FNDC3B: variants seen among roughly 807,000 people sequenced by gnomAD.
FNDC3B encodes the protein fibronectin type III domain-containing protein 3B.
A neutral mutation model predicts 151.5 loss-of-function variants in FNDC3B; 12 were observed. That is an observed-to-expected ratio of 0.08 (90% confidence interval 0.05 to 0.13). The LOEUF (loss-of-function observed/expected upper bound fraction) is 0.13. Ranked by LOEUF, FNDC3B falls within the 10% of genes least tolerant of loss-of-function variation. The pLI, the probability that FNDC3B is intolerant of heterozygous loss-of-function variation, is 1.00. For synonymous variants in FNDC3B, 528 were observed against 549.0 expected, an observed-to-expected ratio of 0.96 and a Z score of 0.54; for missense variants, 1,214 against 1,505.3, an observed-to-expected ratio of 0.81 and a Z score of 3.20.
At position 172,073,923 on chromosome 3, in the gene FNDC3B, T is replaced by C. The variant is rs546830504; in HGVS notation, c.-29+34152T>C. Among the ~76,000 whole-genome samples, 17 of 152,074 alleles carry C rather than the reference T, an allele frequency of 1.1e-4. No individual in the cohort carries two copies. In the East Asian group the frequency reaches 3.1e-3, roughly 28 times the overall value. On this transcript the variant is annotated intron_variant, in intron 1 of 25. Coordinates refer to ENST00000415807, the MANE Select transcript of FNDC3B (RefSeq NM_022763.4). ...TTGTGCTTTTTCTCCCCTGATCCCT[T>C]CCCCCACCACATGACCCTTAAGAAA...
At chr3:172,380,866 C>G in intron 24 of FNDC3B, 100 bp from the exon 25 acceptor site, 1 of 1,368,052 alleles carries the variant, frequency 7.3e-7, no homozygotes, top group Non-Finnish European at 1.0e-6. Flanking sequence ...AACACAGGCA[C>G]AATCTTGCTC....
At chr3:172,365,436 T>A (rs146517040) in intron 23 of FNDC3B, among the ~76,000 whole-genome samples, 1,751 of 152,338 alleles carry the variant, frequency 0.011, 36 homozygotes, top group African/African-American at 0.039. Context: ...ATTTTACTTT[T>A]CTTTCTTACC....
At chr3:172,241,060 C>T in intron 4 of FNDC3B, among the ~76,000 whole-genome samples, 1 of 152,102 alleles carries the variant, frequency 6.6e-6, no homozygotes, top group Non-Finnish European at 1.5e-5. Flanking sequence ...CTTCTATTAG[C>T]CATCAGGCCA....
intron 3 of FNDC3B, among the ~76,000 whole-genome samples, chr3:172,156,698 T>C (rs1362290151): frequency 6.6e-6 from 1 of 151,850 alleles, no homozygotes; most frequent in South Asian, 2.1e-4. Flanking sequence ...TTTGAAGTTT[T>C]TTTTTTTTTT....
chr3:172,346,925 A>T (rs1020415217), intron 20 of FNDC3B, among the ~76,000 whole-genome samples: 15 of 152,044 alleles, frequency 9.9e-5, no homozygotes, highest in African/African-American at 3.6e-4. Flanking sequence ...GCTGGTCTCG[A>T]ACTCCTTATC....
chr3:172,291,888 T>C (rs967300895), intron 7 of FNDC3B, among the ~76,000 whole-genome samples: 4 of 152,176 alleles, frequency 2.6e-5, no homozygotes. Context: ...GAAGGTCATA[T>C]ATGAGTGTTG....
chr3:172,075,510 C>T (rs982892716), intron 1 of FNDC3B, among the ~76,000 whole-genome samples: 10 of 152,046 alleles, frequency 6.6e-5, no homozygotes, highest in African/African-American at 9.7e-5. Flanking sequence ...GGGAATTAAC[C>T]GATTCCTTCT....
intron 3 of FNDC3B, among the ~76,000 whole-genome samples, chr3:172,177,425 T>C (rs1028654814): frequency 6.6e-6 from 1 of 152,164 alleles, no homozygotes; most frequent in African/African-American, 2.4e-5. Flanking sequence ...ACTTTGCTTT[T>C]TGATAGAAGG....
At chr3:172,368,374 A>G (rs1734731062) in intron 23 of FNDC3B, among the ~76,000 whole-genome samples, 1 of 152,132 alleles carries the variant, frequency 6.6e-6, no homozygotes, top group Non-Finnish European at 1.5e-5. Flanking sequence ...TACATTTATC[A>G]GACCATGTTG....
intron 3 of FNDC3B, among the ~76,000 whole-genome samples, chr3:172,156,678 A>G (rs1722501593): frequency 6.8e-6 from 1 of 147,026 alleles, no homozygotes; most frequent in Non-Finnish European, 1.5e-5. Flanking sequence ...AAAAGTGGCT[A>G]GTGCTGAGTT....
chr3:172,192,175 TG>T lies in FNDC3B; in HGVS notation c.188-34695del, dbSNP rs1403815210. 2.2e-4 allele frequency among the ~76,000 whole-genome samples: 17 copies of T among 75,848 alleles called. No individual in the cohort carries two copies. In the East Asian group the frequency reaches 4.4e-3, roughly 20 times the overall value. The allele number at this position is 75,848 out of a possible 152,430, so 49.8% of individuals were successfully genotyped here. On this transcript the variant is annotated intron_variant, in intron 3 of 25. Coordinates refer to ENST00000415807, the MANE Select transcript of FNDC3B (RefSeq NM_022763.4). ...GACTGTTTTTTTTGTGTGTGTTTTT[TG>T]TTTTTTTTTTTTTTGAGAGGGAGTC...
At chr3:172,054,248 G>A (rs1716805908) in intron 1 of FNDC3B, among the ~76,000 whole-genome samples, 1 of 152,218 alleles carries the variant, frequency 6.6e-6, no homozygotes, top group African/African-American at 2.4e-5. Context: ...GGACTAGAGG[G>A]TGTCTATCTC....
At chr3:172,320,227 A>G (rs1732013842) in intron 11 of FNDC3B, among the ~76,000 whole-genome samples, 1 of 152,074 alleles carries the variant, frequency 6.6e-6, no homozygotes, top group South Asian at 2.1e-4. Flanking sequence ...TAAAAATACA[A>G]AAATTAGCCG....
intron 22 of FNDC3B, among the ~76,000 whole-genome samples, chr3:172,355,890 G>A (rs1734071531): frequency 6.6e-6 from 1 of 152,166 alleles, no homozygotes; most frequent in East Asian, 1.9e-4. Flanking sequence ...CTGGTTGGCT[G>A]GCTCAGAGCA....
chr3:172,216,259 T>TATTA lies in FNDC3B; in HGVS notation c.188-10612_188-10611insATTA, dbSNP rs568045570. ...TTTGTATAATTCTTTAGGGCTTTAA[T>TATTA]GTTTACGGGGTCCTGGTTTAAGTAT... is the stretch of plus-strand genomic sequence containing the variant. On this transcript the variant is annotated intron_variant, in intron 3 of 25. Coordinates refer to ENST00000415807, the MANE Select transcript of FNDC3B (RefSeq NM_022763.4). 5.3e-5 allele frequency among the ~76,000 whole-genome samples: 8 copies of TATTA among 152,330 alleles called. No homozygotes were observed. In the South Asian group the frequency reaches 1.7e-3, roughly 32 times the overall value.
At chr3:172,219,207 CAG>C (rs1163983590) in intron 3 of FNDC3B, among the ~76,000 whole-genome samples, 1 of 152,182 alleles carries the variant, frequency 6.6e-6, no homozygotes, top group African/African-American at 2.4e-5. Context: ...AAAATTTAGA[CAG>C]TGCCTGAAAT....
intron 6 of FNDC3B, among the ~76,000 whole-genome samples, chr3:172,259,924 A>G (rs958171177): frequency 2.0e-5 from 3 of 152,256 alleles, no homozygotes; most frequent in African/African-American, 7.2e-5. Context: ...ATATAAAGAC[A>G]AAAAGCATGC....
chr3:172,383,079 T>C (rs576617690), intron 25 of FNDC3B, among the ~76,000 whole-genome samples: 1 of 152,352 alleles, frequency 6.6e-6, no homozygotes, highest in East Asian at 1.9e-4. Context: ...ATTTTCACGA[T>C]ATTGATTCTT....
At chr3:172,291,173 T>A (rs1005731448) in intron 7 of FNDC3B, among the ~76,000 whole-genome samples, 2 of 152,234 alleles carry the variant, frequency 1.3e-5, no homozygotes, top group African/African-American at 4.8e-5. Flanking sequence ...ATGGATTACG[T>A]ATCAAATAGC....
Sources: allele counts gnomAD v4.1 joint callset (sites outside exome capture counted in the v4.1 genomes callset), GRCh38; gene constraint gnomAD v4.1.1; transcripts MANE v1.5; gene names NCBI Gene and HGNC (gene_info 2026-07-23, HGNC 2026-07-21).